BCAS3: variants seen among roughly 807,000 people sequenced by gnomAD.
The protein encoded by BCAS3 is BCAS4/BCAS3 fusion.
In BCAS3, 53 loss-of-function variants were observed where a neutral mutation model predicts 116.1. That is an observed-to-expected ratio of 0.46 (90% CI 0.37 to 0.57). The LOEUF is 0.57. BCAS3 is among the 20% of genes least tolerant of loss of function. The probability of loss-of-function intolerance (pLI) is 0.00; values close to 1 mark genes in which losing one functional copy is unlikely to be tolerated. For synonymous variants in BCAS3, 391 were observed against 408.2 expected (o/e 0.96, Z 0.51); for missense variants, 917 against 1,165.4 (o/e 0.79, Z 3.10).
In BCAS3 at chr17:61,229,594, G is replaced by A; in HGVS notation, c.2426-138733G>A. Among the ~76,000 whole-genome samples, 1 of 152,236 alleles carries A rather than the reference G, an allele frequency of 6.6e-6. No homozygotes were observed. Among genetic ancestry groups the A allele is most frequent in the Non-Finnish European group, 1.5e-5 (1 of 68,044 alleles). On this transcript the variant is annotated intron_variant, in intron 22 of 23. Coordinates refer to ENST00000407086, the MANE Select transcript of BCAS3 (RefSeq NM_017679.5). This position sits in a 1 kb window ranked among gnomAD's most constrained non-coding sequence, Gnocchi z 4.4. Reference sequence around the variant, plus strand: ...AAATGTCAACATTCATTTTGAAGGGGATGCTCAAACTATAGCACAGACCAA... The same window carrying A: ...AAATGTCAACATTCATTTTGAAGGGAATGCTCAAACTATAGCACAGACCAA...
At chr17:61,116,440 A>G (rs558881255) in intron 22 of BCAS3, among the ~76,000 whole-genome samples, 4 of 152,250 alleles carry the variant, frequency 2.6e-5, no homozygotes, top group African/African-American at 7.2e-5. Context: ...GATTTATAAT[A>G]TAATTATCTT....
intron 15 of BCAS3, among the ~76,000 whole-genome samples, chr17:61,001,515 G>A (rs1400390220): frequency 6.6e-6 from 1 of 152,122 alleles, no homozygotes; most frequent in Admixed American, 6.5e-5. Flanking sequence ...CCACATCACT[G>A]TTTACTTGTG....
At position 61,235,986 on chromosome 17, in the gene BCAS3, G is replaced by A. The variant is rs921540683; in HGVS notation, c.2426-132341G>A. ...AACAAGAATTTGGACTGCAGCAGTC[G>A]GACCAGTTAAATTATAGTTAGTAAA... On this transcript the variant is annotated intron_variant, in intron 22 of 23. Coordinates refer to ENST00000407086, the MANE Select transcript of BCAS3 (RefSeq NM_017679.5). This position sits in a 1 kb window ranked among gnomAD's most constrained non-coding sequence, Gnocchi z 5.0. Among the ~76,000 whole-genome samples, 5 of 152,124 alleles carry A rather than the reference G, an allele frequency of 3.3e-5. No individual in the cohort carries two copies. The highest frequency in any genetic ancestry group is 2.1e-4 in the South Asian group (1 of 4,826).
chr17:60,808,192 G>A (rs1222286675), intron 7 of BCAS3, 116 bp downstream of exon 7: 2 of 695,172 alleles, frequency 2.9e-6, no homozygotes, highest in Non-Finnish European at 2.4e-6. Flanking sequence ...TCATAAGAGA[G>A]AAGAAGAAGA....
rs2082974974 is a variant in BCAS3, at chr17:61,235,544, A to C, written c.2426-132783A>C. 6.6e-6 allele frequency among the ~76,000 whole-genome samples: 1 copy of C among 152,210 alleles called. No individual in the cohort carries two copies. The highest frequency in any genetic ancestry group is 6.5e-5 in the Admixed American group (1 of 15,288). ...TTGTGAGGTGACTACGTAGTACAGA[A>C]GTACAGTGAAATATGAGATTCCTGA... is the stretch of plus-strand genomic sequence containing the variant. On this transcript the variant is annotated intron_variant, in intron 22 of 23. Coordinates refer to ENST00000407086, the MANE Select transcript of BCAS3 (RefSeq NM_017679.5). This position sits in a 1 kb window ranked among gnomAD's most constrained non-coding sequence, Gnocchi z 5.0.
intron 7 of BCAS3, among the ~76,000 whole-genome samples, chr17:60,833,837 A>G (rs2051146919): frequency 6.6e-6 from 1 of 152,180 alleles, no homozygotes. Context: ...TTTCCGCTCA[A>G]TTCCAACTGC....
At chr17:60,889,661 A>G (rs1375599055) in intron 9 of BCAS3, 34 bp from the exon 10 acceptor site, 1 of 1,560,844 alleles carries the variant, frequency 6.4e-7, no homozygotes, top group Non-Finnish European at 8.8e-7. Flanking sequence ...AGTTATTAAG[A>G]AATTTCTCAA....
intron 7 of BCAS3, chr17:60,811,409 G>A: frequency 1.6e-6 from 1 of 615,946 alleles, no homozygotes; most frequent in Non-Finnish European, 3.0e-6. Context: ...TCCCAGGATA[G>A]TGGATGGCAA....
At chr17:60,710,800 C>A (rs1336945800) in intron 5 of BCAS3, among the ~76,000 whole-genome samples, 1 of 148,494 alleles carries the variant, frequency 6.7e-6, no homozygotes, top group Non-Finnish European at 1.5e-5. Context: ...GTGTTCCATT[C>A]TGTTCTTTTT....
intron 4 of BCAS3, among the ~76,000 whole-genome samples, chr17:60,690,153 C>G (rs1290216365): frequency 6.6e-6 from 1 of 152,104 alleles, no homozygotes; most frequent in Non-Finnish European, 1.5e-5. Context: ...TATGCTAGTC[C>G]AAGTACCTCA....
chr17:60,930,434 A>G (rs1054547939), intron 13 of BCAS3, among the ~76,000 whole-genome samples: 2 of 152,164 alleles, frequency 1.3e-5, no homozygotes, highest in African/African-American at 4.8e-5. Flanking sequence ...TTAAGAATAT[A>G]AATAAATTCC....
At chr17:61,071,949 G>GA (rs1419848526) in intron 19 of BCAS3, among the ~76,000 whole-genome samples, 1 of 152,044 alleles carries the variant, frequency 6.6e-6, no homozygotes, top group Non-Finnish European at 1.5e-5. Flanking sequence ...ATCAAACATG[G>GA]AAAAAATGGT....
At position 60,993,745 on chromosome 17, in the gene BCAS3, C is replaced by T. The variant is rs898504242; in HGVS notation, c.1486+3510C>T. Among the ~76,000 whole-genome samples the T allele has an allele frequency of 4.6e-5, 7 of 151,998 alleles. No individual in the cohort carries two copies. The highest frequency in any genetic ancestry group is 2.0e-4 in the Admixed American group (3 of 15,264). On this transcript the variant is annotated intron_variant, in intron 15 of 23. Coordinates refer to ENST00000407086, the MANE Select transcript of BCAS3 (RefSeq NM_017679.5). This position sits in a 1 kb window ranked among gnomAD's most constrained non-coding sequence, Gnocchi z 4.2. ...ATCTTGAAAATGAATCATGTTTTGG[C>T]GGTATTACCGTTGTTTGTCTGTGCT...
In BCAS3 at chr17:61,219,788, G is replaced by A. The variant is rs1030342226; in HGVS notation, c.2425+135224G>A. Among the ~76,000 whole-genome samples the A allele has an allele frequency of 6.6e-6, 1 of 152,092 alleles. No individual in the cohort carries two copies. The highest frequency in any genetic ancestry group is 1.5e-5 in the Non-Finnish European group (1 of 68,024). On this transcript the variant is annotated intron_variant, in intron 22 of 23. Transcript: ENST00000407086. This position sits in a 1 kb window ranked among gnomAD's most constrained non-coding sequence, Gnocchi z 5.2. ...CTGGTGACAAGCACTTCTTATTTGG[G>A]CTGAGCAGTACTAGGACTTGAATTC...
intron 19 of BCAS3, among the ~76,000 whole-genome samples, chr17:61,053,458 G>A (rs1390910674): frequency 1.3e-5 from 2 of 152,132 alleles, no homozygotes; most frequent in Non-Finnish European, 1.5e-5. Flanking sequence ...AAAGGACAAC[G>A]ATACAAAAAG....
In BCAS3 at chr17:61,352,294, A is replaced by C. The variant is rs146802699; in HGVS notation, c.2426-16033A>C. Among the ~76,000 whole-genome samples, 171 of 152,264 alleles carry C rather than the reference A, an allele frequency of 1.1e-3. No homozygotes were observed. Among genetic ancestry groups the C allele is most frequent in the Admixed American group, 3.7e-3 (57 of 15,306 alleles). On this transcript the variant is annotated intron_variant, in intron 22 of 23. Coordinates refer to ENST00000407086, the MANE Select transcript of BCAS3 (RefSeq NM_017679.5). This position sits in a 1 kb window ranked among gnomAD's most constrained non-coding sequence, Gnocchi z 4.7. ...ATGGATGAATCCAATCTTCTAATCC[A>C]GTATGTACCTTAGGCCCAAAGATAA...
rs955667872 is a variant in BCAS3, at chr17:61,004,784, A to G, written c.1487-10967A>G. The stretch of plus-strand genomic sequence containing the variant: ...TATTGAAGCTAGAATGAGGCACAAG[A>G]GGGAAATTACTATTTCAGAATGGAC... On this transcript the variant is annotated intron_variant, in intron 15 of 23. Transcript: ENST00000407086. This position sits in a 1 kb window ranked among gnomAD's most constrained non-coding sequence, Gnocchi z 4.8. 9.2e-5 allele frequency among the ~76,000 whole-genome samples: 14 copies of G among 152,152 alleles called. No homozygotes were observed. Among genetic ancestry groups the G allele is most frequent in the African/African-American group, 3.4e-4 (14 of 41,444 alleles).
chr17:60,747,533 C>T (rs553078233), intron 6 of BCAS3, among the ~76,000 whole-genome samples: 1 of 152,274 alleles, frequency 6.6e-6, no homozygotes, highest in South Asian at 2.1e-4. Context: ...TCGATTTAGC[C>T]TCTGCCTTTG....
At chr17:60,767,218 C>G (rs1267107582) in intron 6 of BCAS3, among the ~76,000 whole-genome samples, 1 of 152,136 alleles carries the variant, frequency 6.6e-6, no homozygotes, top group Non-Finnish European at 1.5e-5. Context: ...TCTGACCAGT[C>G]CCAACCAGAT....
Sources: gnomAD v4.1 joint callset for allele counts (sites outside exome capture counted in the v4.1 genomes callset) on GRCh38, gnomAD v4.1.1 for gene constraint, Gnocchi (gnomAD v3.1) non-coding constraint, MANE v1.5 for transcripts, NCBI Gene and HGNC (gene_info 2026-07-23, HGNC 2026-07-21) for gene names.